The following LYN variants were observed in gnomAD, a reference collection of about 807,000 sequenced individuals.
The protein encoded by LYN is tyrosine-protein kinase Lyn.
In LYN, 12 loss-of-function variants were observed where a neutral mutation model predicts 65.0. That is an observed-to-expected ratio of 0.18 (90% CI 0.12 to 0.30). LYN has a LOEUF of 0.30. LYN is among the 10% of genes least tolerant of loss of function. The pLI, the probability that LYN is intolerant of heterozygous loss-of-function variation, is 1.00. For synonymous variants in LYN, 222 were observed against 221.2 expected (o/e 1.00, Z -0.03); for missense variants, 380 against 623.2 (o/e 0.61, Z 4.16).
intron 4 of LYN, 37 bp downstream of exon 4, chr8:55,947,760 C>G: frequency 1.4e-6 from 2 of 1,390,090 alleles, no homozygotes; most frequent in Non-Finnish European, 2.0e-6. Context: ...TGCTCGTTTC[C>G]TCAGGCCACT....
intron 1 of LYN, among the ~76,000 whole-genome samples, chr8:55,908,989 G>GTT (rs1379592685): frequency 1.5e-4 from 3 of 20,396 alleles, no homozygotes; most frequent in African/African-American, 5.8e-4. Context: ...CATTGTGTAT[G>GTT]TATATATATA....
chr8:55,945,641 C>T (rs116597435), intron 2 of LYN, among the ~76,000 whole-genome samples: 204 of 152,370 alleles, frequency 1.3e-3, no homozygotes, highest in African/African-American at 4.6e-3. Context: ...AGGCCTCACA[C>T]AGCCTCATGT....
At chr8:55,948,622 T>C (rs983435589) in intron 4 of LYN, among the ~76,000 whole-genome samples, 6 of 152,174 alleles carry the variant, frequency 3.9e-5, no homozygotes, top group African/African-American at 1.2e-4. Flanking sequence ...CTTACTAATC[T>C]TGCATTAAAT....
intron 10 of LYN, among the ~76,000 whole-genome samples, chr8:55,970,077 C>A (rs1480533739): frequency 1.3e-5 from 2 of 152,232 alleles, no homozygotes; most frequent in African/African-American, 4.8e-5. Flanking sequence ...GCAGCTGAAT[C>A]AATCACTTTC....
At chr8:55,950,318 A>G (rs924971680) in intron 4 of LYN, 141 bp from the exon 5 acceptor site, 26 of 593,650 alleles carry the variant, frequency 4.4e-5, no homozygotes, top group Middle Eastern at 4.6e-4. Flanking sequence ...TGGTAAGTCT[A>G]TGTTTTCTTT....
chr8:55,890,520 T>C (rs188175679), intron 1 of LYN, among the ~76,000 whole-genome samples: 2 of 152,278 alleles, frequency 1.3e-5, no homozygotes, highest in African/African-American at 4.8e-5. Flanking sequence ...GAAAATCATA[T>C]GGTAGTTCCT....
intron 12 of LYN, among the ~76,000 whole-genome samples, chr8:56,005,095 G>A (rs1431571965): frequency 1.3e-5 from 2 of 152,066 alleles, no homozygotes; most frequent in Non-Finnish European, 2.9e-5. Context: ...GCCACATGGT[G>A]TTAAATTCAA....
In LYN at chr8:56,013,266, CTCTCTT is replaced by C. The variant is rs143377477; in HGVS notation, c.*3158_*3163del. On this transcript the variant is annotated 3_prime_UTR_variant, in exon 13 of 13. Coordinates refer to ENST00000519728, the MANE Select transcript of LYN (RefSeq NM_002350.4). ...AGCTTGTGGAGTCTGCTTTCTCGCTCTCTCTTTTTTTTTTTTTTTTGACAGAGTCTC... is the reference window on the plus strand; with the variant it reads ...AGCTTGTGGAGTCTGCTTTCTCGCTCTTTTTTTTTTTTTTGACAGAGTCTC... 21,339 of 145,684 alleles carry C rather than the reference CTCTCTT, an allele frequency of 0.15. 1,841 individuals are homozygous for C. The highest frequency in any genetic ancestry group is 0.23 in the Middle Eastern group (66 of 286). The allele number at this position is 145,684 out of a possible 1,614,324, so 9.0% of individuals were successfully genotyped here.
At position 55,976,906 on chromosome 8, in the gene LYN, C is replaced by T. The variant is rs780484344; in HGVS notation, c.1050+7113C>T. ...GACATGGACATTAAGGAAACTAGGC[C>T]GAGCACAGTGGCTCATGGCTGTAAT... On this transcript the variant is annotated intron_variant, in intron 10 of 12. Transcript: ENST00000519728. Among the ~76,000 whole-genome samples, 135 of 152,188 alleles carry T rather than the reference C, an allele frequency of 8.9e-4. 2 individuals carry two copies. Among genetic ancestry groups the T allele is most frequent in the East Asian group, 1.4e-3 (7 of 5,178 alleles).
chr8:55,963,383 A>G (rs191477502), intron 8 of LYN, among the ~76,000 whole-genome samples: 16 of 152,302 alleles, frequency 1.1e-4, no homozygotes, highest in Admixed American at 9.2e-4. Context: ...CTGTACTTAG[A>G]GAGATGTGGG....
chr8:55,915,496 G>C (rs1563508884), intron 1 of LYN, among the ~76,000 whole-genome samples: 3 of 152,170 alleles, frequency 2.0e-5, no homozygotes, highest in Non-Finnish European at 4.4e-5. Context: ...CCTGAGGTCA[G>C]GAGTTTGAGA....
At chr8:56,008,180 TTTGTTGATCCCAAA>T (rs1404413257) in intron 12 of LYN, among the ~76,000 whole-genome samples, 3 of 151,850 alleles carry the variant, frequency 2.0e-5, no homozygotes, top group East Asian at 3.8e-4. Context: ...AAAAAGTCAA[TTTGTTGATCCCAAA>T]TTGTTGATCC....
At chr8:55,915,067 C>T (rs929465836) in intron 1 of LYN, among the ~76,000 whole-genome samples, 1 of 152,122 alleles carries the variant, frequency 6.6e-6, no homozygotes, top group African/African-American at 2.4e-5. Flanking sequence ...ACTGTATTAA[C>T]CATGGGCTGA....
chr8:55,989,143 G>T (rs1403224715), intron 10 of LYN, among the ~76,000 whole-genome samples: 2 of 152,218 alleles, frequency 1.3e-5, no homozygotes, highest in Non-Finnish European at 2.9e-5. Context: ...CAGAGCCTGC[G>T]CCTCGGGTGG....
At position 56,003,152 on chromosome 8, in the gene LYN, C is replaced by T. The variant is rs559673510; in HGVS notation, c.1336+3603C>T. Among the ~76,000 whole-genome samples the T allele has an allele frequency of 5.3e-5, 8 of 151,812 alleles. No individual in the cohort carries two copies. The South Asian group carries it at 1.0e-3, about 20-fold the overall frequency. On this transcript the variant is annotated intron_variant, in intron 12 of 12. Transcript: ENST00000519728. ...TCGGCTCACTGCTAGCCCCACCTCC[C>T]GGGTTCACGCCGTTCTCTTGCCTCA...
intron 8 of LYN, among the ~76,000 whole-genome samples, chr8:55,957,916 C>A (rs1003112819): frequency 2.6e-4 from 40 of 152,188 alleles, no homozygotes; most frequent in Admixed American, 6.5e-4. Flanking sequence ...CCGCTGTCAC[C>A]AAACTGGGTG....
At chr8:55,993,371 C>G (rs1808298323) in intron 10 of LYN, among the ~76,000 whole-genome samples, 1 of 152,146 alleles carries the variant, frequency 6.6e-6, no homozygotes, top group African/African-American at 2.4e-5. Flanking sequence ...CCTCAGAAGT[C>G]TCTTTTTATC....
chr8:55,895,140 T>C (rs1585569868), intron 1 of LYN, among the ~76,000 whole-genome samples: 2 of 152,104 alleles, frequency 1.3e-5, no homozygotes, highest in African/African-American at 4.8e-5. Flanking sequence ...GTTTATTTCC[T>C]CCAGCCACAG....
intron 4 of LYN, among the ~76,000 whole-genome samples, chr8:55,950,131 C>T (rs529334950): frequency 6.6e-6 from 1 of 152,322 alleles, no homozygotes. Flanking sequence ...GAGTAATACT[C>T]CACTGGATGG....
Sources: allele counts gnomAD v4.1 joint callset (sites outside exome capture counted in the v4.1 genomes callset), GRCh38; gene constraint gnomAD v4.1.1; transcripts MANE v1.5; gene names NCBI Gene and HGNC (gene_info 2026-07-23, HGNC 2026-07-21).